Variants in FBLN1 observed in about 807,000 individuals in gnomAD.
The protein encoded by FBLN1 is fibulin 1.
A neutral mutation model predicts 89.7 loss-of-function variants in FBLN1; 34 were observed. The ratio of observed to expected loss-of-function variants is 0.38; its 90% confidence interval spans 0.29 to 0.50. The LOEUF (loss-of-function observed/expected upper bound fraction) is 0.50, where lower values mean the gene tolerates loss of function less well. Among genes scored for constraint, FBLN1 ranks in the 20% least tolerant of loss-of-function variants. FBLN1 has a pLI of 0.92. For missense variants in FBLN1, 777 were observed against 988.1 expected, an observed-to-expected ratio of 0.79 and a Z score of 2.86; for synonymous variants, 393 against 391.3, an observed-to-expected ratio of 1.00 and a Z score of -0.05.
intron 1 of FBLN1, among the ~76,000 whole-genome samples, chr22:45,515,691 G>A (rs569479993): frequency 3.9e-5 from 6 of 152,288 alleles, no homozygotes; most frequent in South Asian, 2.1e-4. Flanking sequence ...AATCCCCTTC[G>A]ACGGTTTAAT....
intron 1 of FBLN1, among the ~76,000 whole-genome samples, chr22:45,507,566 C>T (rs531424759): frequency 1.3e-5 from 2 of 152,134 alleles, no homozygotes; most frequent in African/African-American, 2.4e-5. Context: ...CTCACTCTGC[C>T]GGCCAGGCTG....
chr22:45,553,139 G>A (rs927745580), intron 14 of FBLN1, among the ~76,000 whole-genome samples: 4 of 152,254 alleles, frequency 2.6e-5, no homozygotes, highest in African/African-American at 4.8e-5. Context: ...TCAGGAAAAT[G>A]CCGGCAGGGA....
At position 45,575,714 on chromosome 22, in the gene FBLN1, C is replaced by A. The variant is rs577218989; in HGVS notation, c.1840+1061C>A. 4.6e-5 allele frequency among the ~76,000 whole-genome samples: 7 copies of A among 152,244 alleles called. No individual in the cohort carries two copies. The highest frequency in any genetic ancestry group is 1.4e-4 in the African/African-American group (6 of 41,534). ...TGTTGTGTAACCTGCCATCACTGCACCGTTTCTCTGGAGCAGGGCCTGGGC... is the reference window on the plus strand; with the variant it reads ...TGTTGTGTAACCTGCCATCACTGCAACGTTTCTCTGGAGCAGGGCCTGGGC... On this transcript the variant is annotated intron_variant, in intron 15 of 16. Coordinates refer to ENST00000327858, the MANE Select transcript of FBLN1 (RefSeq NM_006486.3). This position sits in a 1 kb window ranked among gnomAD's most constrained non-coding sequence, Gnocchi z 6.3.
intron 1 of FBLN1, among the ~76,000 whole-genome samples, chr22:45,507,530 T>A (rs920672703): frequency 1.3e-5 from 2 of 152,118 alleles, no homozygotes; most frequent in Non-Finnish European, 1.5e-5. Context: ...TATTTTTATT[T>A]TTTATTATTA....
At chr22:45,528,158 C>A in intron 4 of FBLN1, 149 bp downstream of exon 4, 1 of 888,774 alleles carries the variant, frequency 1.1e-6, no homozygotes, top group Non-Finnish European at 1.8e-6. Flanking sequence ...GGCAGGCCTT[C>A]AGGCTGGAGC....
Position 45,576,038 on chromosome 22 carries a change from G to A in FBLN1, c.1841-939G>A, listed in dbSNP as rs568492277. Among the ~76,000 whole-genome samples, 6 of 145,112 alleles carry A rather than the reference G, an allele frequency of 4.1e-5. No homozygotes were observed. Among genetic ancestry groups the A allele is most frequent in the South Asian group, 4.2e-4 (2 of 4,804 alleles). On this transcript the variant is annotated intron_variant, in intron 15 of 16. Coordinates refer to ENST00000327858, the MANE Select transcript of FBLN1 (RefSeq NM_006486.3). This position sits in a 1 kb window ranked among gnomAD's most constrained non-coding sequence, Gnocchi z 5.2. Reference sequence around the variant, plus strand: ...TGTTTACACCATGACACAACCATGCGGGGGGGTGGGGGGAGGAGAGGCTCC... The same window carrying A: ...TGTTTACACCATGACACAACCATGCAGGGGGGTGGGGGGAGGAGAGGCTCC...
chr22:45,546,689 G>A (rs2088632648), intron 11 of FBLN1, among the ~76,000 whole-genome samples: 1 of 152,210 alleles, frequency 6.6e-6, no homozygotes, highest in Admixed American at 6.5e-5. Flanking sequence ...ACTGGCGTAT[G>A]GGCTGGGTGG....
chr22:45,567,227 C>T (rs1237602541), intron 14 of FBLN1, among the ~76,000 whole-genome samples: 2 of 152,236 alleles, frequency 1.3e-5, no homozygotes, highest in Non-Finnish European at 2.9e-5. Context: ...AGAGCCCGCT[C>T]TGCCATTCCC....
chr22:45,524,257 C>T (rs1459339619), intron 2 of FBLN1, among the ~76,000 whole-genome samples: 1 of 152,222 alleles, frequency 6.6e-6, no homozygotes, highest in Non-Finnish European at 1.5e-5. Flanking sequence ...CCTGGAGGCA[C>T]GAGTTGGGTG....
chr22:45,550,341 C>T lies in FBLN1; in HGVS notation c.1574-151C>T, dbSNP rs776280100. 7.8e-5 allele frequency: 76 copies of T among 979,614 alleles called. No individual in the cohort carries two copies. Among genetic ancestry groups the T allele is most frequent in the East Asian group, 1.7e-4 (7 of 40,384 alleles). 60.7% of individuals were successfully genotyped at this position (979,614 alleles called of 1,614,324 possible). On this transcript the variant is annotated intron_variant, in intron 13 of 16. Coordinates refer to ENST00000327858, the MANE Select transcript of FBLN1 (RefSeq NM_006486.3). This position sits in a 1 kb window ranked among gnomAD's most constrained non-coding sequence, Gnocchi z 8.4. ...TATAAATGTAAGAACTGGCACAGGA[C>T]GCTGCTCTGAAGATCAGCCAGTGGA... is the stretch of plus-strand genomic sequence containing the variant.
intron 3 of FBLN1, among the ~76,000 whole-genome samples, chr22:45,526,697 C>T (rs1301469508): frequency 6.6e-6 from 1 of 152,200 alleles, no homozygotes. Flanking sequence ...AGTTGGGGGT[C>T]CCGAGTCCCC....
At chr22:45,591,425 AAAC>A (rs2089135478) in intron 16 of FBLN1, among the ~76,000 whole-genome samples, 4 of 80,962 alleles carry the variant, frequency 4.9e-5, no homozygotes, top group Admixed American at 1.1e-4. Flanking sequence ...GTGCACCCTG[AAAC>A]GAAGAGCTGT....
intron 2 of FBLN1, among the ~76,000 whole-genome samples, chr22:45,519,156 C>T (rs1338473800): frequency 6.6e-6 from 1 of 152,234 alleles, no homozygotes; most frequent in South Asian, 2.1e-4. Flanking sequence ...AGTGGAAACA[C>T]GGACCACCTA....
intron 2 of FBLN1, among the ~76,000 whole-genome samples, chr22:45,524,633 C>T (rs2088295808): frequency 6.6e-6 from 1 of 152,132 alleles, no homozygotes; most frequent in Admixed American, 6.5e-5. Context: ...GAAGGTTGGG[C>T]CCAGAGTCAG....
chr22:45,522,919 C>A (rs1192066133), intron 2 of FBLN1, among the ~76,000 whole-genome samples: 1 of 152,170 alleles, frequency 6.6e-6, no homozygotes, highest in Admixed American at 6.5e-5. Context: ...GGGGATCAAT[C>A]GGTGAACGAA....
rs1443608898 is a variant in FBLN1 at position 45,532,581 on chromosome 22, A to T, written c.545-482A>T. Among the ~76,000 whole-genome samples the T allele has an allele frequency of 6.6e-6, 1 of 152,156 alleles. No individual in the cohort carries two copies. The highest frequency in any genetic ancestry group is 1.5e-5 in the Non-Finnish European group (1 of 68,026). Reference sequence around the variant, plus strand: ...ACAGGTTGTGGGGTGCTTCTGGGCTATGCAGAAAGACCAGGTAGGAGGCTG... The same window carrying T: ...ACAGGTTGTGGGGTGCTTCTGGGCTTTGCAGAAAGACCAGGTAGGAGGCTG... On this transcript the variant is annotated intron_variant, in intron 5 of 16. Transcript: ENST00000327858. The surrounding 1 kb of genome is among the most constrained non-coding windows in gnomAD (Gnocchi z 4.2).
At chr22:45,514,447 T>C (rs557215899) in intron 1 of FBLN1, among the ~76,000 whole-genome samples, 10 of 152,322 alleles carry the variant, frequency 6.6e-5, no homozygotes, top group African/African-American at 2.4e-4. Flanking sequence ...TCTCCAAGGC[T>C]AAGAAACCGG....
Position 45,556,798 on chromosome 22 carries a change from C to T in FBLN1, c.1697+6183C>T, listed in dbSNP as rs555583998. On this transcript the variant is annotated intron_variant, in intron 14 of 16. Transcript: ENST00000327858. The surrounding 1 kb of genome is among the most constrained non-coding windows in gnomAD (Gnocchi z 4.6). The stretch of plus-strand genomic sequence containing the variant: ...TCCTTGTTCTGTCTCCTGGTGGCGG[C>T]GTTCCTCCCTCTGGAACTAAGACCT... Among the ~76,000 whole-genome samples, 6 of 152,102 alleles carry T rather than the reference C, an allele frequency of 3.9e-5. No individual in the cohort carries two copies. The highest frequency in any genetic ancestry group is 7.2e-5 in the African/African-American group (3 of 41,422).
At chr22:45,527,704 A>G in intron 3 of FBLN1, 143 bp from the exon 4 acceptor site, 2 of 768,094 alleles carry the variant, frequency 2.6e-6, no homozygotes, top group South Asian at 1.5e-5. Flanking sequence ...GACATTTAGA[A>G]GTGGTATCTA....
Sources: allele counts gnomAD v4.1 joint callset (sites outside exome capture counted in the v4.1 genomes callset), GRCh38; gene constraint gnomAD v4.1.1; non-coding constraint Gnocchi (gnomAD v3.1); transcripts MANE v1.5; gene names NCBI Gene and HGNC (gene_info 2026-07-23, HGNC 2026-07-21).